Variants in EAPP observed in about 807,000 individuals in gnomAD.
The protein encoded by EAPP is E2F associated phosphoprotein, also known as E2F-associated phosphoprotein.
Under a neutral mutation model 34.3 loss-of-function variants are expected in EAPP, and 38 were observed. That is an observed-to-expected ratio of 1.11 (90% confidence interval 0.85 to 1.45). EAPP has a LOEUF of 1.45. Ranked by LOEUF, EAPP falls within the 40% of genes most tolerant of loss-of-function variation. EAPP has a pLI of 0.00. For missense variants in EAPP, 338 were observed against 343.7 expected, an observed-to-expected ratio of 0.98 and a Z score of 0.13; for synonymous variants, 113 against 117.6, an observed-to-expected ratio of 0.96 and a Z score of 0.25.
chr14:34,533,327 G>A (rs1033117289), intron 3 of EAPP, 117 bp downstream of exon 3: 12 of 801,148 alleles, frequency 1.5e-5, no homozygotes, highest in African/African-American at 1.2e-4. Context: ...GAGCCACCAT[G>A]CCTAGCTGTA....
At chr14:34,525,864 A>G (rs1880077553) in intron 4 of EAPP, among the ~76,000 whole-genome samples, 1 of 151,766 alleles carries the variant, frequency 6.6e-6, no homozygotes, top group African/African-American at 2.4e-5. Context: ...CTAAAAAAAT[A>G]CAAAAATTAG....
chr14:34,532,850 T>G (rs1880342638), intron 3 of EAPP, among the ~76,000 whole-genome samples: 1 of 152,100 alleles, frequency 6.6e-6, no homozygotes, highest in African/African-American at 2.4e-5. Context: ...AATTTTTTTG[T>G]ATTTTTAATA....
Position 34,539,661 on chromosome 14 carries a change from C to T in EAPP, c.-33G>A. Reference sequence around the variant, plus strand: ...TGCAGCGGCCTACACCGTCCACAAGCAATTTGCAGCGTCTCTGTTTACACT... The same window carrying T: ...TGCAGCGGCCTACACCGTCCACAAGTAATTTGCAGCGTCTCTGTTTACACT... On this transcript the variant is annotated 5_prime_UTR_variant, in exon 1 of 6. Coordinates refer to ENST00000250454, the MANE Select transcript of EAPP (RefSeq NM_018453.4). The T allele has an allele frequency of 2.0e-6, 3 of 1,513,890 alleles. No individual in the cohort carries two copies. The highest frequency in any genetic ancestry group is 8.8e-7 in the Non-Finnish European group (1 of 1,132,932). The allele number at this position is 1,513,890 out of a possible 1,614,324, so 93.8% of individuals were successfully genotyped here. A position where few individuals can be genotyped will look rare whatever the true frequency, so the allele number is the denominator to read the frequency against.
intron 5 of EAPP, among the ~76,000 whole-genome samples, chr14:34,522,492 A>C (rs1237871864): frequency 6.6e-6 from 1 of 152,110 alleles, no homozygotes; most frequent in Non-Finnish European, 1.5e-5. Context: ...GTGGATGTAA[A>C]TGTACATCTT....
intron 5 of EAPP, among the ~76,000 whole-genome samples, 178 bp downstream of exon 5, chr14:34,524,519 G>C (rs1165418935): frequency 6.6e-6 from 1 of 152,096 alleles, no homozygotes; most frequent in Non-Finnish European, 1.5e-5. Flanking sequence ...GGGAGGCTGA[G>C]GCAGGAGACT....
At chr14:34,537,398 C>T (rs1203203142) in intron 1 of EAPP, among the ~76,000 whole-genome samples, 2 of 152,180 alleles carry the variant, frequency 1.3e-5, no homozygotes, top group African/African-American at 4.8e-5. Context: ...AAAGTGAGAG[C>T]TATTTTTTCT....
intron 1 of EAPP, among the ~76,000 whole-genome samples, chr14:34,537,807 T>C (rs967626395): frequency 3.9e-5 from 6 of 152,214 alleles, no homozygotes; most frequent in Non-Finnish European, 5.9e-5. Flanking sequence ...TGCTGTGCTA[T>C]GTGTAGTCTT....
intron 2 of EAPP, 24 bp from the exon 3 acceptor site, chr14:34,533,563 T>C: frequency 1.3e-6 from 2 of 1,498,940 alleles, no homozygotes; most frequent in Non-Finnish European, 1.8e-6. Context: ...AAGTAAAGTT[T>C]ACAGACTAAA....
intron 5 of EAPP, among the ~76,000 whole-genome samples, chr14:34,522,518 G>T (rs1440382842): frequency 6.6e-6 from 1 of 152,038 alleles, no homozygotes; most frequent in African/African-American, 2.4e-5. Flanking sequence ...TGAAGGATTA[G>T]TTATTTGTTC....
intron 4 of EAPP, among the ~76,000 whole-genome samples, chr14:34,528,552 G>C (rs1880170755): frequency 6.7e-6 from 1 of 150,016 alleles, no homozygotes; most frequent in African/African-American, 2.5e-5. Flanking sequence ...CTCCTGAGTA[G>C]CTGGAATTAC....
At chr14:34,533,787 A>G (rs1880374178) in intron 2 of EAPP, among the ~76,000 whole-genome samples, 1 of 152,194 alleles carries the variant, frequency 6.6e-6, no homozygotes, top group African/African-American at 2.4e-5. Flanking sequence ...AAATCTCATT[A>G]AATAAAATAG....
At chr14:34,539,116 A>G (rs1880570772) in intron 1 of EAPP, 1 of 272,572 alleles carries the variant, frequency 3.7e-6, no homozygotes, top group African/African-American at 2.2e-5. Flanking sequence ...ATGGCAGTTT[A>G]GTCTTCAAGA....
chr14:34,520,840 T>C (rs1427136954), intron 5 of EAPP, among the ~76,000 whole-genome samples: 1 of 151,860 alleles, frequency 6.6e-6, no homozygotes, highest in Non-Finnish European at 1.5e-5. Context: ...TCCTGATCTG[T>C]ATGCTTTCCA....
intron 5 of EAPP, among the ~76,000 whole-genome samples, chr14:34,519,773 T>C (rs1049928131): frequency 2.6e-5 from 4 of 152,124 alleles, no homozygotes; most frequent in Admixed American, 6.6e-5. Flanking sequence ...TCTGGTAGTA[T>C]GTTTTAATCC....
At chr14:34,536,951 C>T (rs1467693119) in intron 1 of EAPP, among the ~76,000 whole-genome samples, 1 of 152,010 alleles carries the variant, frequency 6.6e-6, no homozygotes, top group Non-Finnish European at 1.5e-5. Context: ...AGTATGTTAA[C>T]ACTGGAGGAA....
intron 5 of EAPP, among the ~76,000 whole-genome samples, chr14:34,517,030 T>C (rs1283675679): frequency 6.7e-6 from 1 of 149,524 alleles, no homozygotes; most frequent in Non-Finnish European, 1.5e-5. Flanking sequence ...CTCCGTCTCC[T>C]GGGTTCACGC....
chr14:34,524,653 A>ACGTATGTGTGTG, intron 5 of EAPP, 44 bp downstream of exon 5: 1 of 874,608 alleles, frequency 1.1e-6, no homozygotes, highest in South Asian at 1.5e-5. Flanking sequence ...TAAACAAAAT[A>ACGTATGTGTGTG]TGTATGTGTG....
chr14:34,539,691 G>C lies in EAPP; in HGVS notation c.-63C>G, dbSNP rs910020823. On this transcript the variant is annotated 5_prime_UTR_variant, in exon 1 of 6. Transcript: ENST00000250454. ...TGCAGCGTCTCTGTTTACACTGCAA[G>C]TCCAGTCCCTAAAGCGCCCCTGACG... 4.8e-6 allele frequency: 7 copies of C among 1,449,024 alleles called. No individual in the cohort carries two copies. The highest frequency in any genetic ancestry group is 4.7e-5 in the Admixed American group (2 of 42,356). The allele number at this position is 1,449,024 out of a possible 1,614,324, so 89.8% of individuals were successfully genotyped here. A position where few individuals can be genotyped will look rare whatever the true frequency, so the allele number is the denominator to read the frequency against.
rs1880051651 is a variant in EAPP at position 34,525,081 on chromosome 14, T to A, written c.471-274A>T. On this transcript the variant is annotated intron_variant, in intron 4 of 5. Transcript: ENST00000250454. ...CCAAAGCTGAAACTGAGCAACAAAA[T>A]AAAGTAGGACTGGATTACAACCCAA... Among the ~76,000 whole-genome samples the A allele has an allele frequency of 2.0e-5, 3 of 151,942 alleles. No homozygotes were observed. The South Asian group carries it at 6.2e-4, about 31-fold the overall frequency.
Sources: allele counts gnomAD v4.1 joint callset (sites outside exome capture counted in the v4.1 genomes callset), GRCh38; gene constraint gnomAD v4.1.1; transcripts MANE v1.5; gene names NCBI Gene and HGNC (gene_info 2026-07-23, HGNC 2026-07-21).